FBXW10B: variants seen among roughly 807,000 people sequenced by gnomAD.
The protein encoded by FBXW10B is F-box and WD repeat domain containing protein 10B.
chr17:15,584,752 C>T, the FBXW10B span, among the ~76,000 whole-genome samples: 7 of 152,296 alleles, frequency 4.6e-5, no homozygotes, highest in African/African-American at 1.7e-4. Flanking sequence ...AGTTTTCATT[C>T]ATGCCCTTGT....
the FBXW10B span, among the ~76,000 whole-genome samples, chr17:15,604,172 G>A: frequency 6.6e-6 from 1 of 150,758 alleles, no homozygotes; most frequent in African/African-American, 2.4e-5. Flanking sequence ...ATTTAATACA[G>A]TATCTCAGTG....
the FBXW10B span, among the ~76,000 whole-genome samples, chr17:15,575,975 G>T: frequency 6.6e-6 from 1 of 152,106 alleles, no homozygotes. Context: ...CTTTCTGTGT[G>T]TTATAATTAA....
the FBXW10B span, chr17:15,594,886 A>G: frequency 3.7e-6 from 6 of 1,608,482 alleles, no homozygotes; most frequent in East Asian, 1.3e-4. Context: ...GTGGCCACTG[A>G]GAGTCTGCAA....
the FBXW10B span, chr17:15,596,654 C>T: frequency 6.2e-7 from 1 of 1,613,336 alleles, no homozygotes; most frequent in African/African-American, 1.3e-5. Flanking sequence ...CCTGTGTCTA[C>T]ATCCCATACT....
At chr17:15,600,013 G>A in the FBXW10B span, among the ~76,000 whole-genome samples, 4 of 151,704 alleles carry the variant, frequency 2.6e-5, no homozygotes, top group South Asian at 2.1e-4. Context: ...TCAGGAGATC[G>A]AGACCATCCT....
At chr17:15,612,177 C>T in the FBXW10B span, among the ~76,000 whole-genome samples, 160 of 152,286 alleles carry the variant, frequency 1.1e-3, 2 homozygotes, top group East Asian at 0.029. Flanking sequence ...CAAATCAATC[C>T]ACCCATCCAA....
the FBXW10B span, among the ~76,000 whole-genome samples, chr17:15,593,773 G>T: frequency 5.3e-5 from 8 of 151,990 alleles, no homozygotes; most frequent in Non-Finnish European, 8.8e-5. Context: ...GGATTACAGT[G>T]ATGCGCCACC....
At chr17:15,566,811 G>A in the FBXW10B span, among the ~76,000 whole-genome samples, 5,002 of 151,226 alleles carry the variant, frequency 0.033, 254 homozygotes, top group East Asian at 0.2. Context: ...TGATCCGCCC[G>A]CCTCGGCCTC....
chr17:15,618,625 AC>A, the FBXW10B span, among the ~76,000 whole-genome samples: 2 of 152,024 alleles, frequency 1.3e-5, no homozygotes, highest in Non-Finnish European at 2.9e-5. Context: ...GAAGAGAAAA[AC>A]AAAAGCTTCC....
the FBXW10B span, chr17:15,612,843 C>A: frequency 0.044 from 71,119 of 1,599,302 alleles, 4,978 homozygotes; most frequent in African/African-American, 0.32. Flanking sequence ...CAAAAAAAAA[C>A]CAAAAATAAA....
chr17:15,590,194 C>T, the FBXW10B span, among the ~76,000 whole-genome samples: 7 of 151,892 alleles, frequency 4.6e-5, no homozygotes, highest in Admixed American at 6.6e-5. Context: ...AATCTTCTCC[C>T]CTCCTGGAGT....
the FBXW10B span, chr17:15,588,341 G>A: frequency 4.0e-5 from 7 of 175,372 alleles, no homozygotes; most frequent in African/African-American, 9.5e-5. Flanking sequence ...ATTAAGTGAC[G>A]TCTTAATAAA....
At chr17:15,605,631 A>C in the FBXW10B span, among the ~76,000 whole-genome samples, 1 of 152,182 alleles carries the variant, frequency 6.6e-6, no homozygotes, top group Non-Finnish European at 1.5e-5. Context: ...CATTTCCGTT[A>C]AATTTAAAAA....
At chr17:15,616,026 G>T in the FBXW10B span, among the ~76,000 whole-genome samples, 1 of 152,078 alleles carries the variant, frequency 6.6e-6, no homozygotes, top group South Asian at 2.1e-4. Flanking sequence ...ATTGTAAAAT[G>T]TCTCGAGTTG....
At chr17:15,565,982 C>A in the FBXW10B span, 1 of 1,611,040 alleles carries the variant, frequency 6.2e-7, no homozygotes, top group South Asian at 1.1e-5. Flanking sequence ...GTGGACTGGG[C>A]TCTAGGACTG....
At chr17:15,605,243 C>T in the FBXW10B span, 4 of 1,594,598 alleles carry the variant, frequency 2.5e-6, no homozygotes, top group East Asian at 4.5e-5. Flanking sequence ...GGTCATAGCT[C>T]CCGCTTAGGA....
the FBXW10B span, chr17:15,588,993 G>C: frequency 2.5e-6 from 4 of 1,612,686 alleles, no homozygotes; most frequent in Non-Finnish European, 1.7e-6. Flanking sequence ...CACTGAAAAG[G>C]ATCAGCATTG....
the FBXW10B span, chr17:15,615,588 C>T: frequency 6.2e-7 from 1 of 1,605,844 alleles, no homozygotes; most frequent in Non-Finnish European, 8.5e-7. Flanking sequence ...GCTGGGATTA[C>T]AGGCGTGAGC....
the FBXW10B span, among the ~76,000 whole-genome samples, chr17:15,570,660 C>T: frequency 2.6e-5 from 4 of 152,176 alleles, no homozygotes; most frequent in African/African-American, 9.7e-5. Context: ...ATTCTTTTCA[C>T]AATGTGATTG....
Sources: gnomAD v4.1 joint callset for allele counts (sites outside exome capture counted in the v4.1 genomes callset) on GRCh38, gnomAD v4.1.1 for gene constraint, MANE v1.5 for transcripts, NCBI Gene and HGNC (gene_info 2026-07-23, HGNC 2026-07-21) for gene names.